The following C10orf67 variants were observed in gnomAD, a reference collection of about 807,000 sequenced individuals.
C10orf67 encodes the protein uncharacterized protein C10orf67, mitochondrial.
In C10orf67, 60 loss-of-function variants were observed where a neutral mutation model predicts 35.6. The observed-to-expected ratio is 1.68, with a 90% confidence interval of 1.37 to 2.09. The LOEUF (loss-of-function observed/expected upper bound fraction) is 2.09. Among genes scored for constraint, C10orf67 ranks in the 30% most tolerant of loss-of-function variants. C10orf67 has a pLI of 0.00. For synonymous variants in C10orf67, 167 were observed against 115.8 expected, an observed-to-expected ratio of 1.44 and a Z score of -2.84; for missense variants, 474 against 330.2, an observed-to-expected ratio of 1.44 and a Z score of -3.38.
At chr10:23,291,920 C>T (rs1163573220) in intron 5 of C10orf67, among the ~76,000 whole-genome samples, 3 of 152,056 alleles carry the variant, frequency 2.0e-5, no homozygotes, top group African/African-American at 4.8e-5. Flanking sequence ...GCTTGTCACA[C>T]GGGGTCTGTG....
chr10:23,243,293 G>A (rs1272458503), intron 12 of C10orf67, among the ~76,000 whole-genome samples: 1 of 152,132 alleles, frequency 6.6e-6, no homozygotes, highest in Non-Finnish European at 1.5e-5. Context: ...TGGATATGAT[G>A]CCAAAAAATT....
intron 15 of C10orf67, among the ~76,000 whole-genome samples, chr10:23,204,634 G>A (rs1841111237): frequency 6.6e-6 from 1 of 152,204 alleles, no homozygotes; most frequent in Non-Finnish European, 1.5e-5. Flanking sequence ...TGGGCCCAGG[G>A]ATTTGATTTT....
chr10:23,323,952 T>TATATATATATATATATATATAC (rs1564513730), intron 2 of C10orf67, among the ~76,000 whole-genome samples: 1 of 64,688 alleles, frequency 1.5e-5, no homozygotes, highest in African/African-American at 5.4e-5. Flanking sequence ...TATATATATA[T>TATATATATATATATATATATAC]ACACACACAC....
chr10:23,228,047 C>A (rs906052356), intron 13 of C10orf67, among the ~76,000 whole-genome samples: 1 of 152,304 alleles, frequency 6.6e-6, no homozygotes, highest in East Asian at 1.9e-4. Context: ...CCATTCCCAT[C>A]AAGCTACCAA....
At chr10:23,310,799 A>T (rs72788411) in intron 4 of C10orf67, among the ~76,000 whole-genome samples, 25,526 of 152,000 alleles carry the variant, frequency 0.17, 2,719 homozygotes, top group Non-Finnish European at 0.24. Context: ...ACAGGTCAGC[A>T]CTCCATGTTG....
Position 23,228,143 on chromosome 10 carries a change from G to C in C10orf67, c.1435-4325C>G, listed in dbSNP as rs181925607. Among the ~76,000 whole-genome samples the C allele has an allele frequency of 1.6e-4, 24 of 152,162 alleles. No individual in the cohort carries two copies. The East Asian group carries it at 2.9e-3, about 18-fold the overall frequency. On this transcript the variant is annotated intron_variant, in intron 13 of 15. Coordinates refer to ENST00000636213, the MANE Select transcript of C10orf67 (RefSeq NM_001371909.1). The stretch of plus-strand genomic sequence containing the variant: ...GCCCTCATTGCCAAGACAATCCTAA[G>C]CCAAAAGAACAAAGCTGGAGGCATC...
chr10:23,305,994 C>G (rs1017619738), intron 4 of C10orf67, among the ~76,000 whole-genome samples: 26 of 152,006 alleles, frequency 1.7e-4, no homozygotes, highest in African/African-American at 6.0e-4. Flanking sequence ...CACTCTCTCT[C>G]TCACATACAC....
At chr10:23,325,475 T>TAAA (rs34980652) in intron 2 of C10orf67, among the ~76,000 whole-genome samples, 1 of 106,028 alleles carries the variant, frequency 9.4e-6, no homozygotes, top group African/African-American at 3.5e-5. Flanking sequence ...TTTGGGCTGC[T>TAAA]AAAAAAAAAA....
intron 15 of C10orf67, among the ~76,000 whole-genome samples, chr10:23,212,547 T>A (rs1841335788): frequency 6.6e-6 from 1 of 151,862 alleles, no homozygotes; most frequent in African/African-American, 2.4e-5. Flanking sequence ...ACAACAACAG[T>A]TTTTAACCTG....
At chr10:23,267,794 T>C (rs1842921789) in intron 8 of C10orf67, among the ~76,000 whole-genome samples, 1 of 151,282 alleles carries the variant, frequency 6.6e-6, no homozygotes, top group Admixed American at 6.6e-5. Context: ...TAATTCCAGC[T>C]ACTTGGGAGG....
At chr10:23,255,777 G>A (rs572314886) in intron 10 of C10orf67, among the ~76,000 whole-genome samples, 4 of 152,260 alleles carry the variant, frequency 2.6e-5, no homozygotes, top group East Asian at 1.9e-4. Context: ...TGCTACTTCT[G>A]TGGGGCGAAA....
intron 10 of C10orf67, among the ~76,000 whole-genome samples, chr10:23,251,017 A>G (rs763460617): frequency 4.6e-5 from 7 of 152,176 alleles, no homozygotes; most frequent in Non-Finnish European, 8.8e-5. Flanking sequence ...GAATTACATA[A>G]GCCCAGGAGG....
intron 8 of C10orf67, among the ~76,000 whole-genome samples, chr10:23,273,832 T>C (rs1194397266): frequency 6.6e-6 from 1 of 152,194 alleles, no homozygotes; most frequent in African/African-American, 2.4e-5. Context: ...ACAGTAAATA[T>C]TGTTGGAAAA....
intron 10 of C10orf67, among the ~76,000 whole-genome samples, chr10:23,259,914 G>A (rs952877046): frequency 2.0e-5 from 3 of 152,150 alleles, no homozygotes; most frequent in Admixed American, 2.0e-4. Context: ...AGCTGAGCAT[G>A]TAAGAGTTGT....
chr10:23,314,237 A>G (rs973412188), intron 4 of C10orf67, among the ~76,000 whole-genome samples: 1 of 151,990 alleles, frequency 6.6e-6, no homozygotes, highest in Non-Finnish European at 1.5e-5. Context: ...ACAACAAAAA[A>G]CTGGTAGGAT....
At chr10:23,344,366 A>C in intron 1 of C10orf67, 1 of 549,110 alleles carries the variant, frequency 1.8e-6, no homozygotes, top group Non-Finnish European at 3.1e-6. Context: ...GGGGAGGAGG[A>C]GGCGGGGCGG....
intron 13 of C10orf67, among the ~76,000 whole-genome samples, chr10:23,239,417 C>T (rs1842124781): frequency 6.6e-6 from 1 of 152,152 alleles, no homozygotes; most frequent in African/African-American, 2.4e-5. Flanking sequence ...CATCCGTGGC[C>T]ACAAATGGGC....
chr10:23,266,164 G>T, intron 10 of C10orf67, 98 bp downstream of exon 10: 1 of 397,188 alleles, frequency 2.5e-6, no homozygotes, highest in Non-Finnish European at 4.4e-6. Flanking sequence ...TGAGAACCCG[G>T]TGTGCTTAGA....
At chr10:23,323,940 T>A (rs1845078126) in intron 2 of C10orf67, among the ~76,000 whole-genome samples, 1 of 59,068 alleles carries the variant, frequency 1.7e-5, no homozygotes, top group Non-Finnish European at 3.1e-5. Context: ...TATATATATA[T>A]ATATATATAT....
Sources: gnomAD v4.1 joint callset for allele counts (sites outside exome capture counted in the v4.1 genomes callset) on GRCh38, gnomAD v4.1.1 for gene constraint, MANE v1.5 for transcripts, NCBI Gene and HGNC (gene_info 2026-07-23, HGNC 2026-07-21) for gene names.